Variants in ZNF536 observed in about 807,000 individuals in gnomAD.
ZNF536 encodes zinc finger protein 536.
Under a neutral mutation model 84.5 loss-of-function variants are expected in ZNF536, and 13 were observed. The ratio of observed to expected loss-of-function variants is 0.15; its 90% CI spans 0.10 to 0.24. ZNF536 has a LOEUF of 0.24. Ranked by LOEUF, ZNF536 falls within the 10% of genes least tolerant of loss-of-function variation. ZNF536 has a pLI of 1.00. For missense variants in ZNF536, 1,536 were observed against 1,747.5 expected, an observed-to-expected ratio of 0.88 and a Z score of 2.16; for synonymous variants, 811 against 742.5, an observed-to-expected ratio of 1.09 and a Z score of -1.50.
chr19:30,677,855 G>A (rs1022734178), intron 1 of ZNF536, among the ~76,000 whole-genome samples: 4 of 152,234 alleles, frequency 2.6e-5, no homozygotes, highest in African/African-American at 9.6e-5. Context: ...CCCTGAATGG[G>A]AGTCTCTGCC....
At chr19:30,420,868 C>T (rs1381244402) in intron 1 of ZNF536, among the ~76,000 whole-genome samples, 1 of 152,222 alleles carries the variant, frequency 6.6e-6, no homozygotes. Flanking sequence ...AGCTGTGAAT[C>T]GTCCATTTGG....
At chr19:30,231,580 C>G (rs927200474) in intron 1 of ZNF536, among the ~76,000 whole-genome samples, 126 of 152,296 alleles carry the variant, frequency 8.3e-4, no homozygotes, top group African/African-American at 3.0e-3. Flanking sequence ...CCTGGTTGGG[C>G]TCACCTGTGT....
intron 1 of ZNF536, among the ~76,000 whole-genome samples, chr19:30,441,894 A>G (rs1600740745): frequency 6.7e-6 from 1 of 149,866 alleles, no homozygotes; most frequent in East Asian, 2.0e-4. Flanking sequence ...CCCATTGGAG[A>G]CCCTCCATGC....
At chr19:30,608,095 T>C (rs1259820895) in intron 1 of ZNF536, among the ~76,000 whole-genome samples, 1 of 152,262 alleles carries the variant, frequency 6.6e-6, no homozygotes, top group Non-Finnish European at 1.5e-5. Flanking sequence ...ATTGTATTTA[T>C]ACAATAAATT....
At chr19:30,407,819 T>C (rs1432283113) in intron 1 of ZNF536, among the ~76,000 whole-genome samples, 2 of 152,240 alleles carry the variant, frequency 1.3e-5, no homozygotes, top group African/African-American at 4.8e-5. Flanking sequence ...ATTGCATGAC[T>C]CTACCATGAT....
At chr19:30,402,113 C>G (rs566426418) in intron 1 of ZNF536, among the ~76,000 whole-genome samples, 1 of 152,298 alleles carries the variant, frequency 6.6e-6, no homozygotes, top group East Asian at 1.9e-4. Flanking sequence ...GTTCTCAGCC[C>G]TTGAAGGCAC....
At chr19:30,448,574 T>C (rs2052459154) in intron 2 of ZNF536, among the ~76,000 whole-genome samples, 2 of 152,232 alleles carry the variant, frequency 1.3e-5, no homozygotes, top group Non-Finnish European at 1.5e-5. Flanking sequence ...CAAAACTTAA[T>C]TTGCATCACT....
chr19:30,594,012 C>T (rs1254969253), intron 1 of ZNF536, among the ~76,000 whole-genome samples: 4 of 152,214 alleles, frequency 2.6e-5, no homozygotes, highest in Non-Finnish European at 4.4e-5. Flanking sequence ...TTTTCTTAGT[C>T]TCATCCTCTC....
intron 1 of ZNF536, among the ~76,000 whole-genome samples, chr19:30,430,630 T>C (rs2051414387): frequency 6.6e-6 from 1 of 151,840 alleles, no homozygotes; most frequent in Non-Finnish European, 1.5e-5. Context: ...CAGAGAGGAG[T>C]TCCCAACAGG....
intron 1 of ZNF536, among the ~76,000 whole-genome samples, chr19:30,681,246 C>T (rs545991389): frequency 4.6e-5 from 7 of 152,148 alleles, no homozygotes; most frequent in Non-Finnish European, 1.0e-4. Context: ...CCCTGCAGCA[C>T]AGGAACCCAC....
chr19:30,466,914 C>T (rs1390424438), intron 2 of ZNF536, among the ~76,000 whole-genome samples: 1 of 152,178 alleles, frequency 6.6e-6, no homozygotes, highest in Non-Finnish European at 1.5e-5. Context: ...GATCTCGGCT[C>T]ACTGCAAACT....
chr19:30,273,867 A>G (rs2025986202), intron 1 of ZNF536, among the ~76,000 whole-genome samples: 1 of 152,252 alleles, frequency 6.6e-6, no homozygotes. Context: ...TCATGAATAC[A>G]TATACATGTA....
At chr19:30,292,385 G>T (rs2045871129) in intron 2 of ZNF536, among the ~76,000 whole-genome samples, 1 of 149,204 alleles carries the variant, frequency 6.7e-6, no homozygotes, top group Non-Finnish European at 1.5e-5. Flanking sequence ...GCCCAGGCTT[G>T]AGTGCAGTGG....
chr19:30,242,427 G>T lies in ZNF536; in HGVS notation c.-190+13754G>T, dbSNP rs142413817. Among the ~76,000 whole-genome samples, 1,026 of 152,258 alleles carry T rather than the reference G, an allele frequency of 6.7e-3. 10 individuals are homozygous for T. The highest frequency in any genetic ancestry group is 0.024 in the African/African-American group (993 of 41,540). ...TGTATGGCAGCATTGGGTTAGACTT[G>T]GTTGTGCTTCACGCAGTCTAAAGGG... On this transcript the variant is annotated intron_variant, in intron 1 of 5. Transcript: ENST00000585628.
chr19:30,595,232 T>G (rs1162638683), intron 1 of ZNF536, among the ~76,000 whole-genome samples: 5 of 152,110 alleles, frequency 3.3e-5, no homozygotes, highest in Non-Finnish European at 5.9e-5. Flanking sequence ...CATTGCCTTA[T>G]TACCCTCCCT....
intron 3 of ZNF536, among the ~76,000 whole-genome samples, chr19:30,361,911 T>C (rs981456356): frequency 2.6e-5 from 4 of 152,164 alleles, no homozygotes; most frequent in Admixed American, 1.3e-4. Flanking sequence ...CCTGTGTCCC[T>C]CTTGGCCCTT....
intron 2 of ZNF536, among the ~76,000 whole-genome samples, chr19:30,492,899 C>A (rs8100439): frequency 0.096 from 14,584 of 152,168 alleles, 957 homozygotes; most frequent in Non-Finnish European, 0.15. Context: ...TCAAAGTCAG[C>A]CACACCTATC....
rs562610259 is a variant in ZNF536, at chr19:30,534,099, G to A, written c.2171-748G>A. Reference sequence around the variant, plus strand: ...TGGGTTACATAACAAATAACAGCAGGAAGGAAAATTTGTATCGATACTTGA... The same window carrying A: ...TGGGTTACATAACAAATAACAGCAGAAAGGAAAATTTGTATCGATACTTGA... On this transcript the variant is annotated intron_variant, in intron 2 of 4. Transcript: ENST00000355537. 2.2e-4 allele frequency among the ~76,000 whole-genome samples: 34 copies of A among 152,326 alleles called. No homozygotes were observed. In the Middle Eastern group the frequency reaches 0.01, roughly 46 times the overall value.
chr19:30,468,991 C>T (rs1180660520), intron 2 of ZNF536, among the ~76,000 whole-genome samples: 2 of 152,130 alleles, frequency 1.3e-5, no homozygotes, highest in Non-Finnish European at 2.9e-5. Context: ...TCTCCCTTCC[C>T]TGGCACCTGG....
Sources: gnomAD v4.1 joint callset for allele counts (sites outside exome capture counted in the v4.1 genomes callset) on GRCh38, gnomAD v4.1.1 for gene constraint, MANE v1.5 for transcripts, NCBI Gene and HGNC (gene_info 2026-07-23, HGNC 2026-07-21) for gene names.